MGMT: variants seen among roughly 807,000 people sequenced by gnomAD.
MGMT encodes O-6-methylguanine-DNA methyltransferase.
MGMT carries 14 observed loss-of-function variants against 15.9 expected under a neutral mutation model. The ratio of observed to expected loss-of-function variants is 0.88; its 90% confidence interval spans 0.58 to 1.37. The LOEUF (loss-of-function observed/expected upper bound fraction) is 1.37. MGMT is among the 40% of genes most tolerant of loss of function. MGMT has a pLI of 0.00. For synonymous variants in MGMT, 130 were observed against 118.2 expected (o/e 1.10, Z -0.65); for missense variants, 282 against 268.1 (o/e 1.05, Z -0.36).
chr10:129,572,076 A>T (rs1461200069), intron 2 of MGMT, among the ~76,000 whole-genome samples: 2 of 152,194 alleles, frequency 1.3e-5, no homozygotes, highest in African/African-American at 4.8e-5. Flanking sequence ...TGCATCTGGG[A>T]TTGATAAACA....
intron 1 of MGMT, among the ~76,000 whole-genome samples, chr10:129,475,196 C>T (rs1845276876): frequency 6.6e-6 from 1 of 151,932 alleles, no homozygotes; most frequent in Admixed American, 6.6e-5. Context: ...ATGGGAGGTC[C>T]TATGAGGGTC....
intron 2 of MGMT, among the ~76,000 whole-genome samples, chr10:129,557,241 C>T (rs921075231): frequency 2.6e-5 from 4 of 152,194 alleles, no homozygotes; most frequent in Non-Finnish European, 4.4e-5. Context: ...AAAATGTACT[C>T]GCCCTGTATC....
chr10:129,622,464 G>A (rs1381109740), intron 2 of MGMT, among the ~76,000 whole-genome samples: 2 of 152,206 alleles, frequency 1.3e-5, no homozygotes, highest in Non-Finnish European at 2.9e-5. Flanking sequence ...ATGCGGTCTA[G>A]TTTACACGGT....
At chr10:129,475,490 A>G (rs183423644) in intron 1 of MGMT, among the ~76,000 whole-genome samples, 44 of 152,278 alleles carry the variant, frequency 2.9e-4, no homozygotes, top group African/African-American at 1.1e-3. Flanking sequence ...AAGGAATGAT[A>G]TATTTCTAAA....
chr10:129,717,186 A>G (rs1848309775), intron 3 of MGMT, among the ~76,000 whole-genome samples: 1 of 152,236 alleles, frequency 6.6e-6, no homozygotes, highest in African/African-American at 2.4e-5. Context: ...ATCAACTTTC[A>G]GTGTGATACC....
chr10:129,723,005 C>CAAAAAA (rs3039560), intron 3 of MGMT, among the ~76,000 whole-genome samples: 4 of 60,254 alleles, frequency 6.6e-5, no homozygotes, highest in African/African-American at 2.7e-4. Flanking sequence ...GACTCTATCA[C>CAAAAAA]AAAAAAAAAA....
rs535474046 is a variant in MGMT, at chr10:129,469,204, C to A, written c.-13+1908C>A. On this transcript the variant is annotated intron_variant, in intron 1 of 4. Transcript: ENST00000651593. ...CCCCATTGCCCCCTCAGAGTTTGTT[C>A]CTCTCCAGTCCTCTTCCCACCCTTT... 1.2e-3 allele frequency among the ~76,000 whole-genome samples: 177 copies of A among 152,198 alleles called. 1 individual carries two copies. The highest frequency in any genetic ancestry group is 4.1e-3 in the African/African-American group (170 of 41,512).
At chr10:129,751,796 G>T (rs921376939) in intron 3 of MGMT, among the ~76,000 whole-genome samples, 3 of 151,866 alleles carry the variant, frequency 2.0e-5, no homozygotes, top group Admixed American at 2.0e-4. Flanking sequence ...TATGTTTACT[G>T]TTCAAATGTT....
At chr10:129,522,969 T>C (rs933200542) in intron 1 of MGMT, among the ~76,000 whole-genome samples, 2 of 152,274 alleles carry the variant, frequency 1.3e-5, no homozygotes, top group Non-Finnish European at 2.9e-5. Context: ...CACCCAACTT[T>C]AGAGGCTATA....
chr10:129,580,852 G>T (rs757558633), intron 2 of MGMT, among the ~76,000 whole-genome samples: 1 of 152,192 alleles, frequency 6.6e-6, no homozygotes, highest in African/African-American at 2.4e-5. Flanking sequence ...TGCAAACATC[G>T]TTTGTTGAGG....
At chr10:129,658,086 G>GT (rs1326226439) in intron 2 of MGMT, among the ~76,000 whole-genome samples, 2 of 152,140 alleles carry the variant, frequency 1.3e-5, no homozygotes, top group South Asian at 4.2e-4. Context: ...ATGCTGTTTT[G>GT]TTTTTGCTTC....
intron 2 of MGMT, among the ~76,000 whole-genome samples, chr10:129,600,585 TGA>T (rs1846808921): frequency 6.6e-6 from 1 of 152,236 alleles, no homozygotes; most frequent in African/African-American, 2.4e-5. Flanking sequence ...CTTTGCTCAT[TGA>T]GCTAGCAAGA....
In MGMT at chr10:129,694,811, C is replaced by T. The variant is rs565332770; in HGVS notation, c.126-13084C>T. On this transcript the variant is annotated intron_variant, in intron 2 of 4. Transcript: ENST00000651593. Reference sequence around the variant, plus strand: ...TCAAAGGAGAAAGGGAGGGGGACAGCATCTGAACTCTGGCCTCCAGCATGA... The same window carrying T: ...TCAAAGGAGAAAGGGAGGGGGACAGTATCTGAACTCTGGCCTCCAGCATGA... Among the ~76,000 whole-genome samples, 10 of 152,284 alleles carry T rather than the reference C, an allele frequency of 6.6e-5. No homozygotes were observed. The East Asian group carries it at 1.9e-3, about 29-fold the overall frequency.
chr10:129,512,246 G>A (rs1294821762), intron 1 of MGMT, among the ~76,000 whole-genome samples: 1 of 152,142 alleles, frequency 6.6e-6, no homozygotes, highest in Non-Finnish European at 1.5e-5. Context: ...ACTGCCTGTA[G>A]TACTGCTTGC....
rs554428897 is a variant in MGMT, at chr10:129,490,427, C to G, written c.-13+23131C>G. On this transcript the variant is annotated intron_variant, in intron 1 of 4. Coordinates refer to ENST00000651593, the MANE Select transcript of MGMT (RefSeq NM_002412.5). ...CTTTAAACACCTGCTCTAGACCAAG[C>G]TTATTAATTTATTGCTTTTAACTTT... Among the ~76,000 whole-genome samples, 9 of 152,198 alleles carry G rather than the reference C, an allele frequency of 5.9e-5. No individual in the cohort carries two copies. In the East Asian group the frequency reaches 1.5e-3, roughly 26 times the overall value.
rs183177343 is a variant in MGMT at position 129,666,162 on chromosome 10, C to A, written c.126-41733C>A. Among the ~76,000 whole-genome samples the A allele has an allele frequency of 8.5e-5, 13 of 152,236 alleles. No individual in the cohort carries two copies. The East Asian group carries it at 2.5e-3, about 29-fold the overall frequency. The stretch of plus-strand genomic sequence containing the variant: ...TCTAGGTAAAGAATATACTGGTGTT[C>A]TCTGTATTCTTGTAACTTTTCTGCA... On this transcript the variant is annotated intron_variant, in intron 2 of 4. Coordinates refer to ENST00000651593, the MANE Select transcript of MGMT (RefSeq NM_002412.5).
chr10:129,741,098 A>G (rs1417966176), intron 3 of MGMT, among the ~76,000 whole-genome samples: 1 of 152,100 alleles, frequency 6.6e-6, no homozygotes, highest in African/African-American at 2.4e-5. Context: ...GCACTCTGGA[A>G]TGCTCTGTTT....
At chr10:129,661,592 ACT>A (rs1414910230) in intron 2 of MGMT, among the ~76,000 whole-genome samples, 3 of 152,008 alleles carry the variant, frequency 2.0e-5, no homozygotes, top group Non-Finnish European at 2.9e-5. Context: ...TCTTTTAGTA[ACT>A]CTGCAGTATG....
chr10:129,673,307 G>T (rs1382872584), intron 2 of MGMT, among the ~76,000 whole-genome samples: 3 of 152,004 alleles, frequency 2.0e-5, no homozygotes, highest in African/African-American at 7.2e-5. Flanking sequence ...AAAAAATCAT[G>T]TTATAAGCAA....
Sources: allele counts gnomAD v4.1 joint callset (sites outside exome capture counted in the v4.1 genomes callset), GRCh38; gene constraint gnomAD v4.1.1; transcripts MANE v1.5; gene names NCBI Gene and HGNC (gene_info 2026-07-23, HGNC 2026-07-21).